The following PTPRD variants were observed in gnomAD, a reference collection of about 807,000 sequenced individuals.
PTPRD encodes the protein protein tyrosine phosphatase receptor type D.
PTPRD carries 34 observed loss-of-function variants against 214.5 expected under a neutral mutation model. The observed-to-expected ratio is 0.16, with a 90% CI of 0.12 to 0.21. The LOEUF is 0.21. Ranked by LOEUF, PTPRD falls within the 10% of genes least tolerant of loss-of-function variation. PTPRD has a pLI of 1.00. For synonymous variants in PTPRD, 1,128 were observed against 845.7 expected, an observed-to-expected ratio of 1.33 and a Z score of -5.79; for missense variants, 2,545 against 2,398.7, an observed-to-expected ratio of 1.06 and a Z score of -1.27.
intron 5 of PTPRD, among the ~76,000 whole-genome samples, chr9:9,906,877 A>G (rs912410634): frequency 1.3e-5 from 2 of 152,034 alleles, no homozygotes; most frequent in Non-Finnish European, 1.5e-5. Context: ...TTGATAGATT[A>G]ATATGAGATC....
At chr9:9,332,216 T>C (rs1324303917) in intron 9 of PTPRD, among the ~76,000 whole-genome samples, 2 of 151,588 alleles carry the variant, frequency 1.3e-5, no homozygotes, top group East Asian at 1.9e-4. Context: ...TCCTCTGAGA[T>C]GGTGAAAGCC....
intron 5 of PTPRD, among the ~76,000 whole-genome samples, chr9:9,862,967 C>T (rs2063117495): frequency 6.6e-6 from 1 of 151,984 alleles, no homozygotes; most frequent in Non-Finnish European, 1.5e-5. Context: ...CTTTTTCAAC[C>T]ATTATTTCTT....
At chr9:9,601,159 G>T (rs1563977913) in intron 7 of PTPRD, among the ~76,000 whole-genome samples, 1 of 145,068 alleles carries the variant, frequency 6.9e-6, no homozygotes, top group Non-Finnish European at 1.5e-5. Context: ...GTATGGGGGG[G>T]GGAGAGTGGG....
chr9:10,163,644 A>G (rs765517341), intron 3 of PTPRD, among the ~76,000 whole-genome samples: 8 of 151,508 alleles, frequency 5.3e-5, no homozygotes, highest in Non-Finnish European at 1.2e-4. Context: ...TATATTTTAA[A>G]TGGTAGGCAA....
chr9:8,364,440 ATC>A (rs2079273056), intron 39 of PTPRD, among the ~76,000 whole-genome samples: 1 of 152,226 alleles, frequency 6.6e-6, no homozygotes, highest in Admixed American at 6.5e-5. Flanking sequence ...TAACAATAGC[ATC>A]TGCTGCAGCT....
At chr9:8,597,612 C>T (rs545526646) in intron 14 of PTPRD, among the ~76,000 whole-genome samples, 3 of 152,264 alleles carry the variant, frequency 2.0e-5, no homozygotes, top group Non-Finnish European at 4.4e-5. Context: ...TTTAGAACTA[C>T]ATTTCAGATT....
At chr9:9,658,891 A>G (rs1160206553) in intron 7 of PTPRD, among the ~76,000 whole-genome samples, 3 of 152,160 alleles carry the variant, frequency 2.0e-5, no homozygotes, top group Admixed American at 2.0e-4. Context: ...TACTGAGGTA[A>G]TAAGAGTTAG....
chr9:10,074,353 C>A (rs2098092704), intron 3 of PTPRD, among the ~76,000 whole-genome samples: 1 of 152,082 alleles, frequency 6.6e-6, no homozygotes, highest in Non-Finnish European at 1.5e-5. Context: ...TCCAAAGCCA[C>A]TGCCATGTCT....
chr9:10,497,229 C>T (rs894818713), intron 2 of PTPRD, among the ~76,000 whole-genome samples: 2 of 151,958 alleles, frequency 1.3e-5, no homozygotes, highest in African/African-American at 4.8e-5. Context: ...GAGATCCATA[C>T]CCCTAACTTC....
At chr9:8,357,029 GTATT>G (rs1218563052) in intron 39 of PTPRD, among the ~76,000 whole-genome samples, 2 of 152,090 alleles carry the variant, frequency 1.3e-5, no homozygotes, top group Non-Finnish European at 2.9e-5. Flanking sequence ...AACTGGAAGG[GTATT>G]TATTCTGCTG....
chr9:9,631,875 A>G (rs1046220134), intron 7 of PTPRD, among the ~76,000 whole-genome samples: 75 of 152,316 alleles, frequency 4.9e-4, no homozygotes, highest in African/African-American at 1.8e-3. Context: ...AATATAAGTA[A>G]TTGGAAAAGA....
chr9:8,737,512 C>T (rs2090746296), intron 11 of PTPRD, among the ~76,000 whole-genome samples: 1 of 151,398 alleles, frequency 6.6e-6, no homozygotes, highest in African/African-American at 2.4e-5. Context: ...GTAAGGCTTG[C>T]TAAGTACTCT....
intron 9 of PTPRD, among the ~76,000 whole-genome samples, chr9:9,356,837 CA>C (rs934468212): frequency 5.3e-5 from 8 of 151,272 alleles, no homozygotes; most frequent in Non-Finnish European, 1.2e-4. Flanking sequence ...AAATTCAATA[CA>C]AAAACATTCC....
At chr9:10,386,176 G>T (rs1355572843) in intron 2 of PTPRD, among the ~76,000 whole-genome samples, 1 of 151,756 alleles carries the variant, frequency 6.6e-6, no homozygotes, top group Non-Finnish European at 1.5e-5. Context: ...CAGACCCAAG[G>T]TTTAGAGCGA....
At chr9:9,577,900 G>C (rs991399416) in intron 7 of PTPRD, among the ~76,000 whole-genome samples, 1 of 151,702 alleles carries the variant, frequency 6.6e-6, no homozygotes, top group Non-Finnish European at 1.5e-5. Context: ...ACAAAAATTA[G>C]CTGGGTATGG....
chr9:9,231,243 C>G (rs1254469036), intron 9 of PTPRD, among the ~76,000 whole-genome samples: 1 of 152,096 alleles, frequency 6.6e-6, no homozygotes, highest in Non-Finnish European at 1.5e-5. Context: ...GAATTCCATC[C>G]TTTGTACCCA....
intron 6 of PTPRD, among the ~76,000 whole-genome samples, chr9:9,757,927 G>A (rs931097514): frequency 3.4e-5 from 5 of 146,972 alleles, no homozygotes; most frequent in Middle Eastern, 3.3e-3. Context: ...GCCATTTCCT[G>A]GGGGGTTCCT....
intron 7 of PTPRD, among the ~76,000 whole-genome samples, chr9:9,577,383 G>T (rs375907089): frequency 6.6e-6 from 1 of 151,920 alleles, no homozygotes; most frequent in South Asian, 2.1e-4. Flanking sequence ...CGGCAACATG[G>T]AGAAATCCCA....
intron 11 of PTPRD, among the ~76,000 whole-genome samples, chr9:8,760,644 A>T (rs1318326775): frequency 1.3e-5 from 2 of 149,816 alleles, no homozygotes; most frequent in Admixed American, 1.3e-4. Context: ...GGGGGGATGT[A>T]TGCATGTTTT....
Sources: allele counts gnomAD v4.1 joint callset (sites outside exome capture counted in the v4.1 genomes callset), GRCh38; gene constraint gnomAD v4.1.1; transcripts MANE v1.5; gene names NCBI Gene and HGNC (gene_info 2026-07-23, HGNC 2026-07-21).